Variants in KMT2C observed in about 807,000 individuals in gnomAD.
The protein encoded by KMT2C is histone-lysine N-methyltransferase 2C.
In KMT2C, 88 loss-of-function variants were observed where a neutral mutation model predicts 507.9. The observed-to-expected ratio is 0.17, with a 90% CI of 0.15 to 0.21. KMT2C has a LOEUF of 0.21. Among genes scored for constraint, KMT2C ranks in the 10% least tolerant of loss-of-function variants. KMT2C has a pLI of 1.00. For synonymous variants in KMT2C, 2,049 were observed against 2,080.8 expected (o/e 0.98, Z 0.42); for missense variants, 4,954 against 5,957.8 (o/e 0.83, Z 5.55).
At position 152,182,500 on chromosome 7, in the gene KMT2C, T is replaced by C. The variant is rs1355188634; in HGVS notation, c.5360A>G (p.Gln1787Arg). The C allele has an allele frequency of 1.2e-6, 2 of 1,613,990 alleles. No homozygotes were observed. The highest frequency in any genetic ancestry group is 1.7e-5 in the Admixed American group (1 of 60,002). The stretch of plus-strand genomic sequence containing the variant: ...CACCAGAAGATGCTGAGAACCAAAT[T>C]GCTGTTGTTGCTGCTGCTGCTGCTC... ...KNEQQQQQQQ[Q>R]FGSQHLLVQS... is the part of the protein sequence containing the mutation. The change falls in exon 36 of 59, where the codon CAA (glutamine) becomes CGA (arginine). Residue 1787 changes from glutamine (Q) to arginine (R), a missense_variant. Gln to Arg is a conservative substitution (Grantham distance 43). This residue lies in a region of KMT2C where 1,689 missense variants were observed against 1,654.3 expected (regional missense o/e 1.02). Transcript: ENST00000262189.
At position 152,162,392 on chromosome 7, in the gene KMT2C, G is replaced by A. The variant is rs2092502286; in HGVS notation, c.11185C>T (p.Pro3729Ser). 3.1e-6 allele frequency: 5 copies of A among 1,614,162 alleles called. No homozygotes were observed. The highest frequency in any genetic ancestry group is 4.2e-6 in the Non-Finnish European group (5 of 1,180,028). Residue 3729 changes from proline to serine, a missense_variant, in exon 43 of 59, where the codon CCA (proline) becomes TCA (serine). Physicochemically the swap from Pro to Ser is moderately conservative, Grantham distance 74 (BLOSUM62 -1). Transcript: ENST00000262189. ...TCCAATTTAGGCTCCTCTTGGCCTG[G>A]GCAGGACTCTGTCTCAGCCTTTTCC... ...KLEKAETESC[P>S]GQEEPKLEEQ... is the part of the protein sequence containing the mutation.
intron 27 of KMT2C, among the ~76,000 whole-genome samples, chr7:152,196,672 C>T (rs945181285): frequency 3.3e-5 from 5 of 152,100 alleles, no homozygotes; most frequent in African/African-American, 1.2e-4. Flanking sequence ...GCTGTAAGTG[C>T]TATTTAAAGA....
At chr7:152,305,717 C>T (rs549732926) in intron 6 of KMT2C, among the ~76,000 whole-genome samples, 1 of 152,196 alleles carries the variant, frequency 6.6e-6, no homozygotes, top group Admixed American at 6.5e-5. Flanking sequence ...AAAATTGGTC[C>T]AGTTCTTAGG....
chr7:152,185,467 A>C (rs1267681119), intron 34 of KMT2C, 91 bp downstream of exon 34: 1 of 932,664 alleles, frequency 1.1e-6, no homozygotes, highest in African/African-American at 1.7e-5. Context: ...GCATTTTCTG[A>C]AATGGAAATT....
rs554863151 is a variant in KMT2C, at chr7:152,310,012, G to C, written c.803C>G (p.Pro268Arg). ...AGCTTTGTCCACGTTCACTAACAAT[G>C]GTTCTTCCATCTGGCATACTCCTAG... ...WSLGVCQMEEPLLVNVDKAVV... is the reference protein window; with the variant it reads ...WSLGVCQMEERLLVNVDKAVV... The change falls in exon 6 of 59, where the codon CCA (proline) becomes CGA (arginine). Residue 268 changes from proline (P) to arginine (R), a missense_variant. Coordinates refer to ENST00000262189, the MANE Select transcript of KMT2C (RefSeq NM_170606.3). 6.2e-7 allele frequency: 1 copy of C among 1,613,804 alleles called. No individual in the cohort carries two copies. Among genetic ancestry groups the C allele is most frequent in the East Asian group, 2.2e-5 (1 of 44,864 alleles).
At chr7:152,197,311 C>A (rs1176426068) in intron 27 of KMT2C, among the ~76,000 whole-genome samples, 1 of 152,116 alleles carries the variant, frequency 6.6e-6, no homozygotes, top group African/African-American at 2.4e-5. Flanking sequence ...CTTGTTTAGG[C>A]TAGCTTTAAT....
At chr7:152,173,926 G>A (rs535203643) in intron 39 of KMT2C, among the ~76,000 whole-genome samples, 1 of 152,288 alleles carries the variant, frequency 6.6e-6, no homozygotes, top group South Asian at 2.1e-4. Context: ...TGAGACTAAT[G>A]CTCTTAAACT....
At chr7:152,163,932 C>G (rs1012562007) in intron 42 of KMT2C, 106 bp from the exon 43 acceptor site, 9 of 1,057,480 alleles carry the variant, frequency 8.5e-6, no homozygotes, top group Non-Finnish European at 1.3e-5. Flanking sequence ...CAGTTTGGCC[C>G]TGCAGAAGCA....
chr7:152,430,673 A>C (rs2097856392), intron 1 of KMT2C, among the ~76,000 whole-genome samples: 1 of 152,206 alleles, frequency 6.6e-6, no homozygotes, highest in Non-Finnish European at 1.5e-5. Context: ...TTGGGACTAC[A>C]GGTGCCTACC....
At chr7:152,394,206 C>A (rs1335447611) in intron 1 of KMT2C, among the ~76,000 whole-genome samples, 1 of 152,194 alleles carries the variant, frequency 6.6e-6, no homozygotes, top group Non-Finnish European at 1.5e-5. Context: ...CTCAACACAG[C>A]AGCCAGCATG....
intron 1 of KMT2C, among the ~76,000 whole-genome samples, chr7:152,389,352 C>CAAAA (rs386411673): frequency 0.044 from 3,373 of 77,502 alleles, 135 homozygotes; most frequent in South Asian, 0.096. Flanking sequence ...GACTCCGTCT[C>CAAAA]AAAAAAAAAA....
At chr7:152,244,169 T>C (rs1425443763) in intron 14 of KMT2C, among the ~76,000 whole-genome samples, 1 of 152,244 alleles carries the variant, frequency 6.6e-6, no homozygotes, top group Non-Finnish European at 1.5e-5. Context: ...GTTTAATGCA[T>C]TTTTAAAAAT....
chr7:152,297,056 AGAGAGAGAG>A (rs2096517649), intron 6 of KMT2C, among the ~76,000 whole-genome samples: 39 of 42,038 alleles, frequency 9.3e-4, no homozygotes, highest in African/African-American at 1.7e-3. Context: ...AAAGAAAGAC[AGAGAGAGAG>A]AGAGAGAGAG....
chr7:152,302,047 C>CAAAAATATTA (rs544031022), intron 6 of KMT2C, among the ~76,000 whole-genome samples: 324 of 152,060 alleles, frequency 2.1e-3, no homozygotes, highest in African/African-American at 7.5e-3. Flanking sequence ...ACAAAAAGAA[C>CAAAAATATTA]AAAAATATTA....
chr7:152,394,709 C>T (rs974514265), intron 1 of KMT2C, among the ~76,000 whole-genome samples: 4 of 152,096 alleles, frequency 2.6e-5, no homozygotes, highest in Non-Finnish European at 4.4e-5. Flanking sequence ...AATATAAGCC[C>T]GTGAAGGAAG....
intron 26 of KMT2C, among the ~76,000 whole-genome samples, chr7:152,201,475 C>T (rs563260100): frequency 4.0e-5 from 6 of 151,352 alleles, no homozygotes; most frequent in Admixed American, 2.0e-4. Flanking sequence ...TGCAGAAACA[C>T]CTAAAGAAAG....
chr7:152,217,485 G>T (rs567893926), intron 23 of KMT2C, among the ~76,000 whole-genome samples: 3 of 152,258 alleles, frequency 2.0e-5, no homozygotes, highest in South Asian at 4.2e-4. Flanking sequence ...AAGGATGTGA[G>T]ATCCTGGCAC....
At chr7:152,428,479 A>C (rs1185219807) in intron 1 of KMT2C, among the ~76,000 whole-genome samples, 1 of 136,690 alleles carries the variant, frequency 7.3e-6, no homozygotes, top group Non-Finnish European at 1.6e-5. Flanking sequence ...AAAAAAAAAA[A>C]AACTAGCCGG....
chr7:152,295,880 C>T (rs1304930167), intron 6 of KMT2C, among the ~76,000 whole-genome samples: 2 of 151,130 alleles, frequency 1.3e-5, no homozygotes, highest in African/African-American at 2.4e-5. Flanking sequence ...TCCTAGCTAA[C>T]ACGGTGAAAC....
Sources: gnomAD v4.1 joint callset for allele counts (sites outside exome capture counted in the v4.1 genomes callset) on GRCh38, gnomAD v4.1.1 for gene constraint, gnomAD v4.1.1 regional missense constraint, MANE v1.5 for transcripts, NCBI Gene and HGNC (gene_info 2026-07-23, HGNC 2026-07-21) for gene names.